The following PPP6R3 variants were observed in gnomAD, a reference collection of about 807,000 sequenced individuals.
The protein encoded by PPP6R3 is protein phosphatase 6 regulatory subunit 3, also known as serine/threonine-protein phosphatase 6 regulatory subunit 3.
Under a neutral mutation model 110.7 loss-of-function variants are expected in PPP6R3, and 38 were observed. The observed-to-expected ratio is 0.34, with a 90% CI of 0.26 to 0.45. PPP6R3 has a LOEUF of 0.45. Among genes scored for constraint, PPP6R3 ranks in the 20% least tolerant of loss-of-function variants. The pLI, the probability that PPP6R3 is intolerant of heterozygous loss-of-function variation, is 1.00. For missense variants in PPP6R3, 870 were observed against 1,062.4 expected (o/e 0.82, Z 2.52); for synonymous variants, 369 against 373.5 (o/e 0.99, Z 0.14).
At chr11:68,594,778 A>G (rs2153893124) in intron 18 of PPP6R3, among the ~76,000 whole-genome samples, 1 of 152,324 alleles carries the variant, frequency 6.6e-6, no homozygotes, top group East Asian at 1.9e-4. Flanking sequence ...AGCCAAAGCA[A>G]CTCTTATAGA....
intron 7 of PPP6R3, chr11:68,558,094 T>G (rs1255164886): frequency 6.6e-6 from 1 of 152,278 alleles, no homozygotes; most frequent in Non-Finnish European, 1.5e-5. Flanking sequence ...CTGTTTTAGA[T>G]CTTTGCTAAT....
chr11:68,595,200 A>AT (rs71043443), intron 18 of PPP6R3, among the ~76,000 whole-genome samples: 4,348 of 80,726 alleles, frequency 0.054, 322 homozygotes, highest in Non-Finnish European at 0.083. Context: ...CATAAAAATA[A>AT]TTTTTTTTTT....
rs1565716648 is a variant in PPP6R3 at position 68,542,391 on chromosome 11, T to TTTTTTTTTTTTTG, written c.228-2435_228-2434insGTTTTTTTTTTTT. On this transcript the variant is annotated intron_variant, in intron 3 of 23. Transcript: ENST00000393800. ...CTTTGGGTGCTTGAGAAGCTGCTGT[T>TTTTTTTTTTTTTG]TTTTTTTTTTTTTTTTTTTTAAGAC... is the stretch of plus-strand genomic sequence containing the variant. Among the ~76,000 whole-genome samples, 6 of 96,952 alleles carry TTTTTTTTTTTTTG rather than the reference T, an allele frequency of 6.2e-5. 2 individuals carry two copies. The East Asian group carries it at 1.8e-3, about 29-fold the overall frequency. The allele number at this position is 96,952 out of a possible 152,430, so 63.6% of individuals were successfully genotyped here.
In PPP6R3 at chr11:68,509,852, C is replaced by T. The variant is rs1052651136; in HGVS notation, c.-157-9649C>T. 6.8e-5 allele frequency among the ~76,000 whole-genome samples: 10 copies of T among 146,302 alleles called. No individual in the cohort carries two copies. In the East Asian group the frequency reaches 8.1e-4, roughly 12 times the overall value. On this transcript the variant is annotated intron_variant, in intron 1 of 23. Coordinates refer to ENST00000393800, the MANE Select transcript of PPP6R3 (RefSeq NM_001164161.2). ...GCAACCCTTGCCACCTGGGTTCAAG[C>T]GATTCTCCTGCCTCTGCCTCCCGAG...
chr11:68,472,208 G>C (rs2098796977), intron 1 of PPP6R3, among the ~76,000 whole-genome samples: 1 of 152,148 alleles, frequency 6.6e-6, no homozygotes. Context: ...TGATGATGTT[G>C]GTGGGACGTG....
intron 15 of PPP6R3, among the ~76,000 whole-genome samples, chr11:68,583,642 C>G (rs1002669127): frequency 6.6e-6 from 1 of 152,198 alleles, no homozygotes; most frequent in African/African-American, 2.4e-5. Context: ...TCTCCCTTTA[C>G]CACCTGCTTA....
chr11:68,534,494 T>C (rs1048794068), intron 2 of PPP6R3, among the ~76,000 whole-genome samples: 2 of 152,222 alleles, frequency 1.3e-5, no homozygotes, highest in African/African-American at 4.8e-5. Flanking sequence ...ATCCAGTGTT[T>C]AATGAGTTTC....
At chr11:68,585,578 T>C (rs1298373094) in intron 15 of PPP6R3, among the ~76,000 whole-genome samples, 1 of 152,238 alleles carries the variant, frequency 6.6e-6, no homozygotes, top group African/African-American at 2.4e-5. Context: ...TATATACCTT[T>C]AAATAGGATA....
intron 23 of PPP6R3, among the ~76,000 whole-genome samples, chr11:68,611,618 G>A (rs371326833): frequency 6.6e-6 from 1 of 152,220 alleles, no homozygotes; most frequent in African/African-American, 2.4e-5. Context: ...GGTCTAGGCC[G>A]GGTCATAAAG....
At chr11:68,470,416 T>C (rs2098782447) in intron 1 of PPP6R3, among the ~76,000 whole-genome samples, 1 of 150,694 alleles carries the variant, frequency 6.6e-6, no homozygotes, top group Non-Finnish European at 1.5e-5. Flanking sequence ...CGGAGGCCAG[T>C]GTGGCTGGAG....
intron 8 of PPP6R3, among the ~76,000 whole-genome samples, chr11:68,560,537 A>T (rs2099415055): frequency 6.6e-6 from 1 of 152,244 alleles, no homozygotes; most frequent in African/African-American, 2.4e-5. Flanking sequence ...GCAGCCCCAT[A>T]TCAGTTGAAG....
At chr11:68,520,763 G>GT (rs1366171696) in intron 2 of PPP6R3, among the ~76,000 whole-genome samples, 1 of 152,022 alleles carries the variant, frequency 6.6e-6, no homozygotes, top group African/African-American at 2.4e-5. Context: ...GTCTCATAGA[G>GT]TTTTTTTGTT....
In PPP6R3 at chr11:68,571,007, T is replaced by C. The variant is rs772225904; in HGVS notation, c.1279-33T>C. The C allele has an allele frequency of 6.5e-5, 103 of 1,582,812 alleles. No individual in the cohort carries two copies. In the Middle Eastern group the frequency reaches 1.8e-3, roughly 28 times the overall value. ...ACTTTAAAGTTTTGATGCTTTGAAG[T>C]ATTAACTGGAATATTCTTTTTTTTT... On this transcript the variant is annotated intron_variant, in intron 11 of 23. Transcript: ENST00000393800.
rs187635784 is a variant in PPP6R3, at chr11:68,509,678, C to A, written c.-157-9823C>A. Among the ~76,000 whole-genome samples, 21 of 150,588 alleles carry A rather than the reference C, an allele frequency of 1.4e-4. No homozygotes were observed. In the East Asian group the frequency reaches 3.5e-3, roughly 25 times the overall value. On this transcript the variant is annotated intron_variant, in intron 1 of 23. Transcript: ENST00000393800. ...CCAGGTTGGAGTGCTATGGCACAAT[C>A]TTGGCTCATTGAAACATCCGCCCCT... is the stretch of plus-strand genomic sequence containing the variant.
chr11:68,573,153 T>TATATATATAAAA (rs1468107550), intron 12 of PPP6R3, among the ~76,000 whole-genome samples: 1 of 103,624 alleles, frequency 9.7e-6, no homozygotes, highest in African/African-American at 3.8e-5. Context: ...TATATATATA[T>TATATATATAAAA]AATTTTTTTT....
At chr11:68,525,909 A>G (rs2099194715) in intron 2 of PPP6R3, among the ~76,000 whole-genome samples, 1 of 152,216 alleles carries the variant, frequency 6.6e-6, no homozygotes. Flanking sequence ...TTCACTTAAT[A>G]CAAACCACAC....
chr11:68,574,289 T>G (rs2099521787), intron 13 of PPP6R3, 65 bp downstream of exon 13: 7 of 1,259,826 alleles, frequency 5.6e-6, no homozygotes, highest in Non-Finnish European at 8.0e-6. Context: ...AAGGGTCAAG[T>G]AGAAATGCAT....
intron 14 of PPP6R3, 36 bp from the exon 15 acceptor site, chr11:68,583,007 T>A (rs919257252): frequency 7.3e-7 from 1 of 1,361,170 alleles, no homozygotes; most frequent in Non-Finnish European, 1.0e-6. Context: ...AAAACTTTTC[T>A]ATGTTAAATA....
chr11:68,603,691 A>G (rs1010397296), intron 22 of PPP6R3, 199 bp downstream of exon 22: 1 of 608,962 alleles, frequency 1.6e-6, no homozygotes, highest in African/African-American at 1.9e-5. Flanking sequence ...CTTTTCCCCC[A>G]TAAATGTGTT....
Sources: allele counts gnomAD v4.1 joint callset (sites outside exome capture counted in the v4.1 genomes callset), GRCh38; gene constraint gnomAD v4.1.1; transcripts MANE v1.5; gene names NCBI Gene and HGNC (gene_info 2026-07-23, HGNC 2026-07-21).